MAGI2: variants seen among roughly 807,000 people sequenced by gnomAD.
The protein encoded by MAGI2 is membrane-associated guanylate kinase, WW and PDZ domain-containing protein 2.
Under a neutral mutation model 133.3 loss-of-function variants are expected in MAGI2, and 35 were observed. The ratio of observed to expected loss-of-function variants is 0.26; its 90% CI spans 0.20 to 0.35. The LOEUF (loss-of-function observed/expected upper bound fraction) is 0.35, where lower values mean the gene tolerates loss of function less well. Ranked by LOEUF, MAGI2 falls within the 10% of genes least tolerant of loss-of-function variation. MAGI2 has a pLI of 1.00. For synonymous variants in MAGI2, 729 were observed against 710.6 expected, an observed-to-expected ratio of 1.03 and a Z score of -0.41; for missense variants, 1,636 against 1,863.4, an observed-to-expected ratio of 0.88 and a Z score of 2.25.
chr7:78,578,070 A>G (rs1334421192), intron 3 of MAGI2, among the ~76,000 whole-genome samples: 2 of 149,340 alleles, frequency 1.3e-5, no homozygotes, highest in East Asian at 1.9e-4. Context: ...TGTATTCTCT[A>G]TATTTGTATA....
chr7:78,703,302 G>A (rs1357553643), intron 2 of MAGI2, among the ~76,000 whole-genome samples: 4 of 151,930 alleles, frequency 2.6e-5, no homozygotes, highest in Non-Finnish European at 1.5e-5. Flanking sequence ...CATTTAAAGT[G>A]CATAACCCCC....
chr7:79,261,583 T>C (rs1834094161), intron 1 of MAGI2, among the ~76,000 whole-genome samples: 1 of 152,172 alleles, frequency 6.6e-6, no homozygotes, highest in Non-Finnish European at 1.5e-5. Context: ...CTTTATGTAA[T>C]GTTTCTACCC....
intron 9 of MAGI2, among the ~76,000 whole-genome samples, chr7:78,299,645 G>A (rs962991111): frequency 2.6e-5 from 4 of 152,018 alleles, no homozygotes. Flanking sequence ...AGATGTACAG[G>A]TTTGTGACAT....
intron 3 of MAGI2, among the ~76,000 whole-genome samples, chr7:78,552,073 G>A (rs1799378575): frequency 6.6e-6 from 1 of 151,338 alleles, no homozygotes; most frequent in South Asian, 2.1e-4. Context: ...GAAATAAAAG[G>A]TCAATATACT....
intron 2 of MAGI2, among the ~76,000 whole-genome samples, chr7:78,646,082 C>A (rs1810863703): frequency 6.6e-6 from 1 of 151,980 alleles, no homozygotes; most frequent in Non-Finnish European, 1.5e-5. Flanking sequence ...GAACACCAAA[C>A]CAAGTAAAAT....
rs1268620965 is a variant in MAGI2, at chr7:78,346,109, G to A, written c.1104-66C>T. 1.9e-6 allele frequency: 3 copies of A among 1,570,218 alleles called. No individual in the cohort carries two copies. In the African/African-American group the frequency reaches 4.1e-5, roughly 21 times the overall value. Reference sequence around the variant, plus strand: ...AGTTATTTAAAAGACCATATGTATGGCTCTATGGAGAGCAGGTGATTAAGG... The same window carrying A: ...AGTTATTTAAAAGACCATATGTATGACTCTATGGAGAGCAGGTGATTAAGG... On this transcript the variant is annotated intron_variant, in intron 7 of 21. Transcript: ENST00000354212.
intron 2 of MAGI2, among the ~76,000 whole-genome samples, chr7:78,800,312 G>C (rs1787958850): frequency 6.6e-6 from 1 of 152,090 alleles, no homozygotes; most frequent in Non-Finnish European, 1.5e-5. Flanking sequence ...GGGTGATGTA[G>C]GAGTGGGGAG....
Position 79,155,014 on chromosome 7 carries a change from G to C in MAGI2, c.302-147808C>G, listed in dbSNP as rs373969170. ...TTGTGGAAAGGATAGTAACAGTGTT[G>C]ACAGTCCATAATATGTTCAGGTCAC... is the stretch of plus-strand genomic sequence containing the variant. On this transcript the variant is annotated intron_variant, in intron 1 of 21. Coordinates refer to ENST00000354212, the MANE Select transcript of MAGI2 (RefSeq NM_012301.4). Among the ~76,000 whole-genome samples, 108 of 152,272 alleles carry C rather than the reference G, an allele frequency of 7.1e-4. No homozygotes were observed. In the Middle Eastern group the frequency reaches 0.01, roughly 14 times the overall value.
intron 2 of MAGI2, among the ~76,000 whole-genome samples, chr7:78,702,273 A>G (rs1341588993): frequency 6.6e-6 from 1 of 151,990 alleles, no homozygotes; most frequent in Admixed American, 6.6e-5. Context: ...GCAGGAGAGC[A>G]AGGTATACAT....
intron 21 of MAGI2, among the ~76,000 whole-genome samples, chr7:78,050,375 C>A (rs1319397996): frequency 6.6e-6 from 1 of 152,144 alleles, no homozygotes; most frequent in Non-Finnish European, 1.5e-5. Flanking sequence ...ACACCATAGG[C>A]TCTTCAAATT....
intron 2 of MAGI2, among the ~76,000 whole-genome samples, chr7:78,744,342 C>A (rs1822727664): frequency 1.3e-5 from 2 of 152,106 alleles, no homozygotes; most frequent in African/African-American, 4.8e-5. Context: ...TTGTTTATCT[C>A]ATTTTTAACT....
At chr7:79,297,870 G>A (rs1262383918) in intron 1 of MAGI2, among the ~76,000 whole-genome samples, 3 of 152,170 alleles carry the variant, frequency 2.0e-5, no homozygotes, top group Admixed American at 6.5e-5. Context: ...CTTAACTTTC[G>A]TCAGGTGGGA....
intron 1 of MAGI2, among the ~76,000 whole-genome samples, chr7:79,062,944 T>C (rs773990852): frequency 5.7e-4 from 86 of 152,124 alleles, no homozygotes; most frequent in Admixed American, 1.3e-3. Flanking sequence ...TCAATTAGGA[T>C]TCAACTATTT....
intron 1 of MAGI2, among the ~76,000 whole-genome samples, chr7:79,054,284 G>T (rs1350895422): frequency 1.3e-5 from 2 of 151,862 alleles, no homozygotes; most frequent in African/African-American, 4.8e-5. Context: ...GAAAAAGTAG[G>T]AAATCATAAT....
intron 2 of MAGI2, among the ~76,000 whole-genome samples, chr7:78,704,777 T>TCTTTTTTTTTTC (rs1554535220): frequency 1.6e-4 from 19 of 117,964 alleles, no homozygotes; most frequent in Admixed American, 2.7e-4. Flanking sequence ...AGGCCATTAT[T>TCTTTTTTTTTTC]CTTTTTTTTT....
chr7:78,318,131 T>C (rs1183952107), intron 9 of MAGI2, among the ~76,000 whole-genome samples: 1 of 152,148 alleles, frequency 6.6e-6, no homozygotes, highest in Non-Finnish European at 1.5e-5. Context: ...GTTTGACAAA[T>C]TGACAGAAGT....
At chr7:78,321,424 A>T (rs549635263) in intron 9 of MAGI2, among the ~76,000 whole-genome samples, 5 of 152,180 alleles carry the variant, frequency 3.3e-5, no homozygotes, top group Non-Finnish European at 5.9e-5. Context: ...AAACAGAGAT[A>T]TAGACCAGTG....
In MAGI2 at chr7:78,763,048, A is replaced by G. The variant is rs1414828024; in HGVS notation, c.419-135809T>C. 3.3e-5 allele frequency among the ~76,000 whole-genome samples: 5 copies of G among 152,200 alleles called. No individual in the cohort carries two copies. The East Asian group carries it at 7.7e-4, about 23-fold the overall frequency. The stretch of plus-strand genomic sequence containing the variant: ...GGGGAGAGAGAAACACGAGAAATGA[A>G]CAACTGATAACTTTATCAAAGGCCT... On this transcript the variant is annotated intron_variant, in intron 2 of 21. Coordinates refer to ENST00000354212, the MANE Select transcript of MAGI2 (RefSeq NM_012301.4).
chr7:78,495,723 G>A (rs1344283051), intron 5 of MAGI2, among the ~76,000 whole-genome samples: 3 of 152,036 alleles, frequency 2.0e-5, no homozygotes, highest in Admixed American at 1.3e-4. Flanking sequence ...ATGAATATTT[G>A]CATTTGCCAT....
Sources: allele counts gnomAD v4.1 joint callset (sites outside exome capture counted in the v4.1 genomes callset), GRCh38; gene constraint gnomAD v4.1.1; transcripts MANE v1.5; gene names NCBI Gene and HGNC (gene_info 2026-07-23, HGNC 2026-07-21).